Variants in STARD13 observed in about 807,000 individuals in gnomAD.
STARD13 encodes the protein stAR-related lipid transfer protein 13.
In STARD13, 62 loss-of-function variants were observed where a neutral mutation model predicts 106.4. That is an observed-to-expected ratio of 0.58 (90% CI 0.48 to 0.72). The LOEUF is 0.72. Ranked by LOEUF, STARD13 falls within the 30% of genes least tolerant of loss-of-function variation. The pLI is 0.00. For missense variants in STARD13, 1,387 were observed against 1,424.0 expected (o/e 0.97, Z 0.42); for synonymous variants, 565 against 553.0 (o/e 1.02, Z -0.31).
chr13:33,109,381 C>T (rs556469749), intron 12 of STARD13, among the ~76,000 whole-genome samples: 4 of 152,260 alleles, frequency 2.6e-5, no homozygotes, highest in East Asian at 1.9e-4. Flanking sequence ...TTCTGGACCT[C>T]CAGGGCAGTG....
intron 3 of STARD13, among the ~76,000 whole-genome samples, chr13:33,151,968 C>A (rs1038710785): frequency 1.3e-5 from 2 of 152,090 alleles, no homozygotes; most frequent in Non-Finnish European, 2.9e-5. Flanking sequence ...CCGTTAAACA[C>A]AGAGGAAACA....
chr13:33,475,166 G>T, the STARD13 span, among the ~76,000 whole-genome samples: 1 of 152,188 alleles, frequency 6.6e-6, no homozygotes, highest in East Asian at 1.9e-4. Context: ...AAAAACTGTG[G>T]AATGGTTTTC....
the STARD13 span, among the ~76,000 whole-genome samples, chr13:33,455,767 A>G: frequency 6.6e-6 from 1 of 151,982 alleles, no homozygotes; most frequent in Non-Finnish European, 1.5e-5. Flanking sequence ...CGTCTCTACT[A>G]AAAAAACAAC....
chr13:33,286,919 TAC>T (rs1357402214), upstream of STARD13, among the ~76,000 whole-genome samples: 1 of 152,128 alleles, frequency 6.6e-6, no homozygotes, highest in East Asian at 1.9e-4. Flanking sequence ...TATATATACA[TAC>T]ACACACTGAG....
the STARD13 span, among the ~76,000 whole-genome samples, chr13:33,443,480 A>G: frequency 6.6e-6 from 1 of 151,268 alleles, no homozygotes; most frequent in Non-Finnish European, 1.5e-5. Flanking sequence ...CACTAGAAGC[A>G]CACACTCTAT....
chr13:33,110,599 A>G (rs937222094), intron 11 of STARD13, 87 bp downstream of exon 11: 21 of 1,122,576 alleles, frequency 1.9e-5, no homozygotes, highest in Admixed American at 3.4e-5. Context: ...CCCTGTGGAC[A>G]CAGCAGCTGT....
At chr13:33,341,521 G>A (rs933608031) in intron 1 of STARD13, among the ~76,000 whole-genome samples, 2 of 151,202 alleles carry the variant, frequency 1.3e-5, no homozygotes, top group Non-Finnish European at 2.9e-5. Context: ...AACTCGGGAG[G>A]TGGAGGTTGC....
the STARD13 span, among the ~76,000 whole-genome samples, chr13:33,487,765 C>T: frequency 2.0e-5 from 3 of 152,196 alleles, no homozygotes; most frequent in Non-Finnish European, 4.4e-5. Flanking sequence ...CTCAATCTTA[C>T]TTTCTCTTTT....
chr13:33,325,756 A>G (rs1335465805), intron 1 of STARD13, among the ~76,000 whole-genome samples: 1 of 152,106 alleles, frequency 6.6e-6, no homozygotes, highest in Admixed American at 6.6e-5. Flanking sequence ...GCACTTGGGG[A>G]GGCCGAGGCG....
At chr13:33,427,454 G>T in the STARD13 span, among the ~76,000 whole-genome samples, 20 of 152,286 alleles carry the variant, frequency 1.3e-4, no homozygotes, top group East Asian at 3.7e-3. Context: ...ATTTAAGGAG[G>T]GAAAGATAAT....
At chr13:33,274,852 T>C (rs917041066) in intron 1 of STARD13, among the ~76,000 whole-genome samples, 1 of 152,134 alleles carries the variant, frequency 6.6e-6, no homozygotes, top group East Asian at 1.9e-4. Context: ...TACCAGTTAA[T>C]GATGTTTGCC....
the STARD13 span, among the ~76,000 whole-genome samples, chr13:33,543,966 T>C: frequency 7.6e-4 from 116 of 152,238 alleles, no homozygotes; most frequent in Non-Finnish European, 1.3e-3. Context: ...AACTAAACCC[T>C]AGAACCAGTA....
At chr13:33,121,008 T>G (rs1876203526) in intron 7 of STARD13, among the ~76,000 whole-genome samples, 3 of 152,188 alleles carry the variant, frequency 2.0e-5, no homozygotes. Flanking sequence ...CCCAAAGTGC[T>G]GGCATTACAG....
downstream of STARD13, among the ~76,000 whole-genome samples, chr13:33,344,173 G>C (rs1419739883): frequency 2.6e-5 from 4 of 150,974 alleles, no homozygotes; most frequent in African/African-American, 9.8e-5. Flanking sequence ...AGAATCTCCG[G>C]GAGGAGGTCA....
chr13:33,190,876 A>G (rs797203), intron 1 of STARD13, among the ~76,000 whole-genome samples: 111,728 of 152,058 alleles, frequency 0.73, 41,136 homozygotes, highest in Admixed American at 0.79. Flanking sequence ...GAGCCACCGT[A>G]CCCGGCCACT....
At chr13:33,591,624 T>C in the STARD13 span, among the ~76,000 whole-genome samples, 3 of 152,204 alleles carry the variant, frequency 2.0e-5, no homozygotes, top group African/African-American at 7.2e-5. Flanking sequence ...AAAAATAATC[T>C]ATTTGATATC....
At chr13:33,271,359 C>G (rs529853796) in intron 1 of STARD13, 1 of 152,256 alleles carries the variant, frequency 6.6e-6, no homozygotes, top group African/African-American at 2.4e-5. Flanking sequence ...CCTTGTACTC[C>G]CTAGTGTCAG....
At chr13:33,117,763 G>C (rs1185595103) in intron 8 of STARD13, 1 of 943,934 alleles carries the variant, frequency 1.1e-6, no homozygotes, top group African/African-American at 1.8e-5. Context: ...CTTCTATTGT[G>C]TCCCTTTTTC....
the STARD13 span, among the ~76,000 whole-genome samples, chr13:33,440,075 G>A: frequency 2.6e-5 from 4 of 151,992 alleles, no homozygotes; most frequent in Non-Finnish European, 5.9e-5. Context: ...CGAGGAGTTC[G>A]AAATCAGACT....
Sources: gnomAD v4.1 joint callset for allele counts (sites outside exome capture counted in the v4.1 genomes callset) on GRCh38, gnomAD v4.1.1 for gene constraint, MANE v1.5 for transcripts, NCBI Gene and HGNC (gene_info 2026-07-23, HGNC 2026-07-21) for gene names.